Variants in WDR97 observed in about 807,000 individuals in gnomAD.
WDR97 encodes the protein WD repeat-containing protein 97.
WDR97 carries 111 observed loss-of-function variants against 65.4 expected under a neutral mutation model. The ratio of observed to expected loss-of-function variants is 1.70; its 90% CI spans 1.45 to 1.99. The LOEUF (loss-of-function observed/expected upper bound fraction) is 1.99, where lower values mean the gene tolerates loss of function less well. Ranked by LOEUF, WDR97 falls within the 30% of genes most tolerant of loss-of-function variation. WDR97 has a pLI of 0.00. For synonymous variants in WDR97, 802 were observed against 397.7 expected, an observed-to-expected ratio of 2.02 and a Z score of -12.10; for missense variants, 1,674 against 865.0, an observed-to-expected ratio of 1.94 and a Z score of -11.73.
Position 144,116,280 on chromosome 8 carries a change from A to C in WDR97, c.4856A>C (p.Asp1619Ala). ...TTTCTGCCAGCGGACGCGGACCCTG[A>C]CACCTACAGCTGACCGGACTGGTGG... ...RYFLPADADP[D>A]TYS The change falls in exon 24 of 24, where the codon GAC becomes GCC. Residue 1619 changes from aspartate to alanine, a missense_variant. By Grantham distance (126) the Asp-to-Ala change is moderately radical. Coordinates refer to ENST00000323662, the MANE Select transcript of WDR97 (RefSeq NM_001316309.2). 1 of 644,560 alleles carries C rather than the reference A, an allele frequency of 1.6e-6. No homozygotes were observed. Among genetic ancestry groups the C allele is most frequent in the Admixed American group, 2.4e-5 (1 of 41,352 alleles). The allele number at this position is 644,560 out of a possible 1,614,324, so 39.9% of individuals were successfully genotyped here.
intron 15 of WDR97, chr8:144,113,206 C>G (rs1457344865): frequency 5.3e-6 from 3 of 567,006 alleles, no homozygotes; most frequent in Non-Finnish European, 9.3e-6. Context: ...CTCCAGGTTT[C>G]CCTTCTCGTT....
rs1234233198 is a variant in WDR97, at chr8:144,114,304, G to C, written c.3621G>C (p.Glu1207Asp). 6 of 702,218 alleles carry C rather than the reference G, an allele frequency of 8.5e-6. No individual in the cohort carries two copies. Among genetic ancestry groups the C allele is most frequent in the Non-Finnish European group, 1.3e-5 (5 of 384,538 alleles). 43.5% of individuals were successfully genotyped at this position (702,218 alleles called of 1,614,324 possible). Residue 1207 changes from glutamate to aspartate, a missense_variant, in exon 19 of 24, where the codon GAG becomes GAC. By Grantham distance (45) the Glu-to-Asp change is conservative (BLOSUM62 2). Transcript: ENST00000323662. ...CATACCCGGAGGCGGGCACGATCGA[G>C]GGCCTGGCCTCGCTGTTGGTGGCCC... ...LQAYPEAGTI[E>D]GLASLLVALL...
Position 144,109,378 on chromosome 8 carries a change from G to T in WDR97, c.1044G>T (p.Val348=). The T allele has an allele frequency of 1.4e-6, 1 of 702,662 alleles. No individual in the cohort carries two copies. Among genetic ancestry groups the T allele is most frequent in the Non-Finnish European group, 2.6e-6 (1 of 384,882 alleles). 43.5% of individuals were successfully genotyped at this position (702,662 alleles called of 1,614,324 possible). ...CTGTGCTCCCGAACACGACCCTGGT[G>T]TTGTCGGCCTCGCAGGACGGGACGC... is the stretch of plus-strand genomic sequence containing the variant. ...AMTVLPNTTL[V]LSASQDGTLR... The change falls in exon 5 of 24, where the codon GTG becomes GTT. Residue 348 remains valine, a synonymous_variant. Coordinates refer to ENST00000323662, the MANE Select transcript of WDR97 (RefSeq NM_001316309.2).
Position 144,116,522 on chromosome 8 carries a change from G to A in WDR97, c.*229G>A, listed in dbSNP as rs1836671174. On this transcript the variant is annotated 3_prime_UTR_variant, in exon 24 of 24. Coordinates refer to ENST00000323662, the MANE Select transcript of WDR97 (RefSeq NM_001316309.2). ...GGCCATCGTGGGCACCAGCGTTCCC[G>A]GAGGGGTGGCCGGCCTAGGGCAGAG... 8.1e-6 allele frequency: 4 copies of A among 491,884 alleles called. No individual in the cohort carries two copies. Among genetic ancestry groups the A allele is most frequent in the Non-Finnish European group, 1.4e-5 (4 of 280,420 alleles). The allele number at this position is 491,884 out of a possible 1,614,324, so 30.5% of individuals were successfully genotyped here.
rs1342045667 is a variant in WDR97, at chr8:144,109,949, G to C, written c.1615G>C (p.Ala539Pro). Reference sequence around the variant, plus strand: ...CAGCCACCTCACGGATCTCGAAGGCGCCTTCTCCTCCTGGGAGATCGTGCG... The same window carrying C: ...CAGCCACCTCACGGATCTCGAAGGCCCCTTCTCCTCCTGGGAGATCGTGCG... ...LYSHLTDLEG[A>P]FSSWEIVRQH... The change falls in exon 5 of 24, where the codon GCC (alanine) becomes CCC (proline). Residue 539 changes from alanine to proline, a missense_variant. Transcript: ENST00000323662. 6 of 701,986 alleles carry C rather than the reference G, an allele frequency of 8.5e-6. No homozygotes were observed. Among genetic ancestry groups the C allele is most frequent in the Non-Finnish European group, 1.6e-5 (6 of 384,674 alleles). The allele number at this position is 701,986 out of a possible 1,614,324, so 43.5% of individuals were successfully genotyped here.
chr8:144,114,697 C>T, intron 20 of WDR97, 22 bp downstream of exon 20: 1 of 702,666 alleles, frequency 1.4e-6, no homozygotes, highest in Non-Finnish European at 2.6e-6. Context: ...TCCTGCCCAG[C>T]CCTCCCTGCC....
At position 144,110,322 on chromosome 8, in the gene WDR97, C is replaced by A. The variant is rs1836520120; in HGVS notation, c.1844-19C>A. On this transcript the variant is annotated intron_variant, in intron 6 of 23. Transcript: ENST00000323662. Reference sequence around the variant, plus strand: ...CCCCTCCCCTCCGACAAGGCCCAGCCAGATTCCGCTGCCCACAGGTGGGGA... The same window carrying A: ...CCCCTCCCCTCCGACAAGGCCCAGCAAGATTCCGCTGCCCACAGGTGGGGA... 2 of 702,792 alleles carry A rather than the reference C, an allele frequency of 2.8e-6. No homozygotes were observed. The highest frequency in any genetic ancestry group is 5.2e-6 in the Non-Finnish European group (2 of 384,838). The allele number at this position is 702,792 out of a possible 1,614,324, so 43.5% of individuals were successfully genotyped here. A position where few individuals can be genotyped will look rare whatever the true frequency, so the allele number is the denominator to read the frequency against.
rs1587626224 is a variant in WDR97, at chr8:144,111,792, G to A, written c.2637+11G>A. On this transcript the variant is annotated intron_variant, in intron 12 of 23. Transcript: ENST00000323662. ...GGCTCTGGCCTGCTGGTAGGTGTAG[G>A]GCCTCCCCCAGCCCAGCCCTGACCC... 2 of 688,384 alleles carry A rather than the reference G, an allele frequency of 2.9e-6. No homozygotes were observed. The highest frequency in any genetic ancestry group is 5.4e-5 in the East Asian group (2 of 37,028). 42.6% of individuals were successfully genotyped at this position (688,384 alleles called of 1,614,324 possible).
At chr8:144,113,547 C>G (rs1006348595) in intron 16 of WDR97, 30 bp downstream of exon 16, 1 of 688,442 alleles carries the variant, frequency 1.5e-6, no homozygotes, top group African/African-American at 1.8e-5. Context: ...CGACTCAGCT[C>G]GCCTCCCAGA....
At position 144,110,867 on chromosome 8, in the gene WDR97, C is replaced by A. The variant is rs115459066; in HGVS notation, c.2175C>A (p.Leu725=). The change falls in exon 9 of 24, where the codon CTC becomes CTA. Residue 725 remains leucine, a synonymous_variant. Coordinates refer to ENST00000323662, the MANE Select transcript of WDR97 (RefSeq NM_001316309.2). ...GCTGCCCTGGGTGCCTCTCCAGGCT[C>A]CTGCAGCTGAATGGTGCCCCTCAGG... The part of the protein sequence containing the change: ...IWTAENRLLR[L]LQLNGAPQAL... The A allele has an allele frequency of 5.7e-6, 4 of 702,902 alleles. No individual in the cohort carries two copies. The highest frequency in any genetic ancestry group is 4.0e-5 in the Admixed American group (2 of 50,016). 43.5% of individuals were successfully genotyped at this position (702,902 alleles called of 1,614,324 possible).
chr8:144,115,879 C>G lies in WDR97; in HGVS notation c.4595+21C>G, dbSNP rs766018867. The G allele has an allele frequency of 1.0e-5, 7 of 696,332 alleles. No homozygotes were observed. The South Asian group carries it at 1.0e-4, about 10-fold the overall frequency. The allele number at this position is 696,332 out of a possible 1,614,324, so 43.1% of individuals were successfully genotyped here. On this transcript the variant is annotated intron_variant, in intron 22 of 23. Coordinates refer to ENST00000323662, the MANE Select transcript of WDR97 (RefSeq NM_001316309.2). ...CACTGGTGCGCGGGGCCTGCGCCGGCGGGGCCTGCGTGGGGCAGCCAAGCG... is the reference window on the plus strand; with the variant it reads ...CACTGGTGCGCGGGGCCTGCGCCGGGGGGGCCTGCGTGGGGCAGCCAAGCG...
Position 144,114,929 on chromosome 8 carries a change from C to A in WDR97, c.4077+18C>A. On this transcript the variant is annotated intron_variant, in intron 21 of 23. Coordinates refer to ENST00000323662, the MANE Select transcript of WDR97 (RefSeq NM_001316309.2). Reference sequence around the variant, plus strand: ...AGCTTCAGGTTGGGCCGGCAGGGGCCGGGGGGGCCTTGGGAACCCTGTTGC... The same window carrying A: ...AGCTTCAGGTTGGGCCGGCAGGGGCAGGGGGGGCCTTGGGAACCCTGTTGC... The A allele has an allele frequency of 3.0e-6, 2 of 672,882 alleles. No homozygotes were observed. Among genetic ancestry groups the A allele is most frequent in the Admixed American group, 2.3e-5 (1 of 42,826 alleles). The allele number at this position is 672,882 out of a possible 1,614,324, so 41.7% of individuals were successfully genotyped here. A position where few individuals can be genotyped will look rare whatever the true frequency, so the allele number is the denominator to read the frequency against.
chr8:144,115,510 T>G lies in WDR97; in HGVS notation c.4247T>G (p.Leu1416Arg), dbSNP rs1302786953. ...PAEPHSLAPELQAQRMLAPKR... is the reference protein window; with the variant it reads ...PAEPHSLAPERQAQRMLAPKR... ...GAGCCGCACTCTTTAGCCCCGGAGC[T>G]CCAGGCCCAGCGGATGCTGGCACCC... The change falls in exon 22 of 24, where the codon CTC (leucine) becomes CGC (arginine). Residue 1416 changes from leucine to arginine, a missense_variant. Leu to Arg is a moderately radical substitution (Grantham distance 102). Coordinates refer to ENST00000323662, the MANE Select transcript of WDR97 (RefSeq NM_001316309.2). 27 of 697,024 alleles carry G rather than the reference T, an allele frequency of 3.9e-5. No individual in the cohort carries two copies. In the East Asian group the frequency reaches 7.3e-4, roughly 19 times the overall value. The allele number at this position is 697,024 out of a possible 1,614,324, so 43.2% of individuals were successfully genotyped here. A position where few individuals can be genotyped will look rare whatever the true frequency, so the allele number is the denominator to read the frequency against.
Position 144,108,347 on chromosome 8 carries a change from T to C in WDR97, c.281T>C (p.Leu94Pro). 1.4e-6 allele frequency: 1 copy of C among 694,278 alleles called. No homozygotes were observed. Among genetic ancestry groups the C allele is most frequent in the Middle Eastern group, 2.4e-4 (1 of 4,118 alleles). 43.0% of individuals were successfully genotyped at this position (694,278 alleles called of 1,614,324 possible). A position where few individuals can be genotyped will look rare whatever the true frequency, so the allele number is the denominator to read the frequency against. ...EKRAELRAAR[L>P]THGLEPLRRL... ...AGAGCCGAGCTGCGCGCGGCGCGCC[T>C]GACGCATGGGCTGGAACCACTGCGC... The change falls in exon 3 of 24, where the codon CTG becomes CCG. Residue 94 changes from leucine (L) to proline (P), a missense_variant. Transcript: ENST00000323662.
Position 144,115,343 on chromosome 8 carries a change from G to C in WDR97, c.4080G>C (p.Glu1360Asp). ...TAGCACTTTCCTCTCCTCCCAAGGA[G>C]ACCCCATCGCAGACGTCAGTGGTCT... is the stretch of plus-strand genomic sequence containing the variant. ...KLEDMIQELQ[E>D]TPSQTSVVSG... is the part of the protein sequence containing the mutation. Residue 1360 changes from glutamate to aspartate, a missense_variant and splice_region_variant, in exon 22 of 24, where the codon GAG (glutamate) becomes GAC (aspartate). Glu to Asp is a conservative substitution (Grantham distance 45, BLOSUM62 2). Transcript: ENST00000323662. 1.7e-6 allele frequency: 1 copy of C among 596,928 alleles called. No homozygotes were observed. Among genetic ancestry groups the C allele is most frequent in the Non-Finnish European group, 3.0e-6 (1 of 332,776 alleles). The allele number at this position is 596,928 out of a possible 1,614,324, so 37.0% of individuals were successfully genotyped here. A position where few individuals can be genotyped will look rare whatever the true frequency, so the allele number is the denominator to read the frequency against.
Position 144,111,478 on chromosome 8 carries a change from C to T in WDR97, c.2479C>T (p.Pro827Ser). 1 of 702,686 alleles carries T rather than the reference C, an allele frequency of 1.4e-6. No individual in the cohort carries two copies. Among genetic ancestry groups the T allele is most frequent in the South Asian group, 1.5e-5 (1 of 67,592 alleles). 43.5% of individuals were successfully genotyped at this position (702,686 alleles called of 1,614,324 possible). A position where few individuals can be genotyped will look rare whatever the true frequency, so the allele number is the denominator to read the frequency against. Residue 827 changes from proline (P) to serine (S), a missense_variant, in exon 11 of 24, where the codon CCG (proline) becomes TCG (serine). By Grantham distance (74) the Pro-to-Ser change is moderately conservative. Transcript: ENST00000323662. ...GAGGGCAACATCTCAGCACCTGGTGCCGAAGGAGGTGGGGTGGGTCCTCCT... is the reference window on the plus strand; with the variant it reads ...GAGGGCAACATCTCAGCACCTGGTGTCGAAGGAGGTGGGGTGGGTCCTCCT... ...RRRATSQHLVPKEDLDAIVAR... is the reference protein window; with the variant it reads ...RRRATSQHLVSKEDLDAIVAR...
chr8:144,111,265 C>T (rs1836543017), intron 10 of WDR97, 43 bp downstream of exon 10: 1 of 702,570 alleles, frequency 1.4e-6, no homozygotes, highest in Admixed American at 2.0e-5. Flanking sequence ...GCCCTCCTTT[C>T]CCACTCTGGG....
chr8:144,108,922 G>A lies in WDR97; in HGVS notation c.856G>A (p.Val286Met), dbSNP rs1836479601. ...TCTGCATGCCTGGACTCTCGTAGAT[G>A]TGCGCCGGGATTTGCACAAAACGTG... ...FDLHAWTLVDVRRDLHKTTIS... is the reference protein window; with the variant it reads ...FDLHAWTLVDMRRDLHKTTIS... Residue 286 changes from valine to methionine, a missense_variant, in exon 3 of 24, where the codon GTG becomes ATG. Transcript: ENST00000323662. The A allele has an allele frequency of 2.8e-6, 2 of 702,990 alleles. No individual in the cohort carries two copies. Among genetic ancestry groups the A allele is most frequent in the Non-Finnish European group, 5.2e-6 (2 of 385,000 alleles). 43.5% of individuals were successfully genotyped at this position (702,990 alleles called of 1,614,324 possible). A position where few individuals can be genotyped will look rare whatever the true frequency, so the allele number is the denominator to read the frequency against.
In WDR97 at chr8:144,109,596, T is replaced by C. The variant is rs1480985412; in HGVS notation, c.1262T>C (p.Leu421Pro). Residue 421 changes from leucine to proline, a missense_variant, in exon 5 of 24, where the codon CTG becomes CCG. Physicochemically the swap from Leu to Pro is moderately conservative, Grantham distance 98 (BLOSUM62 -3). Coordinates refer to ENST00000323662, the MANE Select transcript of WDR97 (RefSeq NM_001316309.2). ...GAGCTCTACTCGCCGTTGGCGCAAC[T>C]GCCCGCCAAGGTGCTCCACGTGCAG... is the stretch of plus-strand genomic sequence containing the variant. ...VRELYSPLAQ[L>P]PAKVLHVQVA... The C allele has an allele frequency of 2.9e-6, 2 of 690,278 alleles. No homozygotes were observed. The highest frequency in any genetic ancestry group is 5.3e-6 in the Non-Finnish European group (2 of 379,632). 42.8% of individuals were successfully genotyped at this position (690,278 alleles called of 1,614,324 possible).
Sources: allele counts gnomAD v4.1 joint callset, GRCh38; gene constraint gnomAD v4.1.1; transcripts MANE v1.5; gene names NCBI Gene and HGNC (gene_info 2026-07-23, HGNC 2026-07-21).